Variants in ELF2 observed in about 807,000 individuals in gnomAD.
ELF2 encodes E74 like ETS transcription factor 2.
In ELF2, 11 loss-of-function variants were observed where a neutral mutation model predicts 54.8. The observed-to-expected ratio is 0.20, with a 90% CI of 0.13 to 0.33. The LOEUF (loss-of-function observed/expected upper bound fraction) is 0.33. Among genes scored for constraint, ELF2 ranks in the 10% least tolerant of loss-of-function variants. The probability of loss-of-function intolerance (pLI) is 1.00; values close to 1 mark genes in which losing one functional copy is unlikely to be tolerated. For missense variants in ELF2, 513 were observed against 703.0 expected (o/e 0.73, Z 3.06); for synonymous variants, 203 against 245.1 (o/e 0.83, Z 1.61).
intron 4 of ELF2, among the ~76,000 whole-genome samples, chr4:139,083,445 C>T (rs892384389): frequency 2.0e-5 from 3 of 152,180 alleles, no homozygotes; most frequent in Non-Finnish European, 4.4e-5. Context: ...GGAGGCGGGC[C>T]CCTGAAACAT....
At chr4:139,133,319 T>C (rs567628575) in intron 3 of ELF2, among the ~76,000 whole-genome samples, 87 of 152,318 alleles carry the variant, frequency 5.7e-4, no homozygotes, top group African/African-American at 1.9e-3. Context: ...ATTCTGTTTA[T>C]TTAGTAGGAT....
Position 139,118,684 on chromosome 4 carries a change from G to GT in ELF2, c.238+6479dup, listed in dbSNP as rs933250423. Among the ~76,000 whole-genome samples the GT allele has an allele frequency of 6.7e-3, 948 of 141,750 alleles. 4 individuals are homozygous for GT. Among genetic ancestry groups the GT allele is most frequent in the Admixed American group, 0.011 (156 of 14,034 alleles). The allele number at this position is 141,750 out of a possible 152,430, so 93.0% of individuals were successfully genotyped here. On this transcript the variant is annotated intron_variant, in intron 4 of 9. Transcript: ENST00000686138. ...TATAAACTGAAGGTATAAAGCATTT[G>GT]TTTTTTTTTTTTTAAGTGGAAGCAA...
chr4:139,140,148 C>G (rs1316047399), intron 1 of ELF2, among the ~76,000 whole-genome samples: 1 of 152,104 alleles, frequency 6.6e-6, no homozygotes, highest in Non-Finnish European at 1.5e-5. Flanking sequence ...TGCTATGTTA[C>G]CCAGTCTGAT....
At chr4:139,158,417 T>C (rs1350473559) in intron 1 of ELF2, among the ~76,000 whole-genome samples, 2 of 151,920 alleles carry the variant, frequency 1.3e-5, no homozygotes, top group African/African-American at 4.8e-5. Context: ...TAAAACAAAA[T>C]AGTGGTAAAG....
intron 3 of ELF2, among the ~76,000 whole-genome samples, chr4:139,126,308 G>A (rs1217131082): frequency 6.6e-6 from 1 of 151,264 alleles, no homozygotes; most frequent in Middle Eastern, 3.4e-3. Flanking sequence ...AACCAGTCCA[G>A]GAGGTCCACT....
chr4:139,168,324 T>C (rs1741926134), intron 1 of ELF2, among the ~76,000 whole-genome samples: 1 of 152,238 alleles, frequency 6.6e-6, no homozygotes, highest in South Asian at 2.1e-4. Context: ...AACCATTATG[T>C]AAACTGGTAT....
chr4:139,131,356 T>G (rs1467876816), intron 3 of ELF2, among the ~76,000 whole-genome samples: 2 of 150,108 alleles, frequency 1.3e-5, no homozygotes, highest in Non-Finnish European at 2.9e-5. Context: ...AGAGAGATTC[T>G]TAGTTTAAAG....
intron 6 of ELF2, among the ~76,000 whole-genome samples, chr4:139,069,950 C>T (rs1280289076): frequency 6.6e-6 from 1 of 151,910 alleles, no homozygotes; most frequent in African/African-American, 2.4e-5. Flanking sequence ...AAGTGATCCT[C>T]CTGCCTCAGC....
intron 4 of ELF2, among the ~76,000 whole-genome samples, chr4:139,105,001 T>C (rs1415620719): frequency 2.6e-5 from 4 of 152,234 alleles, no homozygotes; most frequent in African/African-American, 9.6e-5. Flanking sequence ...GCATGTGTTA[T>C]TCAACAACGA....
At position 139,071,956 on chromosome 4, in the gene ELF2, C is replaced by T. The variant is rs1192785149; in HGVS notation, c.436G>A (p.Val146Met). Reference sequence around the variant, plus strand: ...TCAGACTCTTCAGTTGACACCTCCACTACAGTTTCTGTAATGACATCTGGC... The same window carrying T: ...TCAGACTCTTCAGTTGACACCTCCATTACAGTTTCTGTAATGACATCTGGC... ...MRPDVITETV[V>M]EVSTEESEPM... The change falls in exon 6 of 10, where the codon GTG (valine) becomes ATG (methionine). Residue 146 changes from valine to methionine, a missense_variant. Around this residue, in one of 3 missense-constraint regions of ELF2, gnomAD observed 203 missense variants for 245.9 expected, o/e 0.83. Coordinates refer to ENST00000686138, the MANE Select transcript of ELF2 (RefSeq NM_001331036.3). 4.3e-6 allele frequency: 7 copies of T among 1,613,798 alleles called. No individual in the cohort carries two copies. The highest frequency in any genetic ancestry group is 5.9e-6 in the Non-Finnish European group (7 of 1,179,896).
chr4:139,134,514 G>T (rs1211528061), intron 3 of ELF2, among the ~76,000 whole-genome samples: 1 of 148,204 alleles, frequency 6.7e-6, no homozygotes, highest in Non-Finnish European at 1.5e-5. Flanking sequence ...ATGCTACCAT[G>T]CCTGGCTAGT....
chr4:139,083,590 C>CCG (rs896216897), intron 4 of ELF2, among the ~76,000 whole-genome samples: 8 of 152,186 alleles, frequency 5.3e-5, no homozygotes, highest in Non-Finnish European at 1.0e-4. Flanking sequence ...CGGACATCGC[C>CCG]CCTGGCTGCC....
intron 3 of ELF2, 141 bp from the exon 4 acceptor site, chr4:139,125,470 CAA>C (rs1223976049): frequency 1.0e-6 from 1 of 955,930 alleles, no homozygotes; most frequent in Non-Finnish European, 1.5e-6. Context: ...AAAGCCAAAA[CAA>C]GAGATGAAAA....
At chr4:139,174,715 T>G (rs1443562503) in intron 1 of ELF2, among the ~76,000 whole-genome samples, 2 of 152,206 alleles carry the variant, frequency 1.3e-5, no homozygotes, top group Non-Finnish European at 2.9e-5. Flanking sequence ...TTAGGTAGTA[T>G]GAGTGATGTG....
chr4:139,163,561 T>A (rs1031720971), intron 1 of ELF2, among the ~76,000 whole-genome samples: 2 of 152,062 alleles, frequency 1.3e-5, no homozygotes, highest in African/African-American at 4.8e-5. Flanking sequence ...GGACCAAGAA[T>A]GTTGTGGAAG....
chr4:139,122,387 GA>G (rs896089570), intron 4 of ELF2, among the ~76,000 whole-genome samples: 4 of 152,174 alleles, frequency 2.6e-5, no homozygotes, highest in South Asian at 2.1e-4. Context: ...TACCTAAAAG[GA>G]AATATGCATA....
chr4:139,087,937 G>C (rs571228143), intron 4 of ELF2, among the ~76,000 whole-genome samples: 7 of 152,216 alleles, frequency 4.6e-5, no homozygotes, highest in African/African-American at 1.7e-4. Flanking sequence ...AAAAAAATTT[G>C]CAATTCTTGT....
intron 1 of ELF2, among the ~76,000 whole-genome samples, chr4:139,153,726 A>C: frequency 6.6e-6 from 1 of 152,254 alleles, no homozygotes. Flanking sequence ...TTATCTTCAC[A>C]GGTACAGGAC....
intron 4 of ELF2, among the ~76,000 whole-genome samples, chr4:139,121,938 T>C (rs1172133793): frequency 6.6e-6 from 1 of 152,176 alleles, no homozygotes; most frequent in Non-Finnish European, 1.5e-5. Flanking sequence ...TAATTCCTAC[T>C]AACAAAAGAG....
Sources: allele counts gnomAD v4.1 joint callset (sites outside exome capture counted in the v4.1 genomes callset), GRCh38; gene constraint gnomAD v4.1.1; regional missense constraint gnomAD v4.1.1; transcripts MANE v1.5; gene names NCBI Gene and HGNC (gene_info 2026-07-23, HGNC 2026-07-21).